Variants in FRMD3 observed in about 807,000 individuals in gnomAD.
The protein encoded by FRMD3 is FERM domain-containing protein 3.
FRMD3 carries 33 observed loss-of-function variants against 70.2 expected under a neutral mutation model. The observed-to-expected ratio is 0.47, with a 90% CI of 0.36 to 0.63. The LOEUF is 0.63. Ranked by LOEUF, FRMD3 falls within the 20% of genes least tolerant of loss-of-function variation. The probability of loss-of-function intolerance (pLI) is 0.00; values close to 1 mark genes in which losing one functional copy is unlikely to be tolerated. For missense variants in FRMD3, 632 were observed against 711.4 expected (o/e 0.89, Z 1.27); for synonymous variants, 279 against 255.9 (o/e 1.09, Z -0.86).
At chr9:83,282,244 G>C (rs747440368) in intron 13 of FRMD3, among the ~76,000 whole-genome samples, 2 of 152,196 alleles carry the variant, frequency 1.3e-5, no homozygotes, top group Non-Finnish European at 1.5e-5. Flanking sequence ...TTCTACGAAG[G>C]CTTAGATTGT....
At chr9:83,376,827 G>C (rs751799918) in intron 2 of FRMD3, among the ~76,000 whole-genome samples, 1 of 152,014 alleles carries the variant, frequency 6.6e-6, no homozygotes, top group Non-Finnish European at 1.5e-5. Flanking sequence ...TGCAAAGCTT[G>C]GTTTCTAGCA....
At chr9:83,297,720 G>A (rs979303574) in intron 12 of FRMD3, 6 of 471,320 alleles carry the variant, frequency 1.3e-5, no homozygotes, top group African/African-American at 1.2e-4. Context: ...GTAGTCTTCT[G>A]CTTCTTACAG....
At chr9:83,416,761 C>T (rs1037835920) in intron 1 of FRMD3, among the ~76,000 whole-genome samples, 1 of 113,776 alleles carries the variant, frequency 8.8e-6, no homozygotes, top group Non-Finnish European at 1.8e-5. Context: ...CTCTCTCTCT[C>T]TCTCTCTCTC....
At chr9:83,376,987 T>A (rs1005530049) in intron 2 of FRMD3, among the ~76,000 whole-genome samples, 3 of 152,128 alleles carry the variant, frequency 2.0e-5, no homozygotes, top group Admixed American at 1.3e-4. Context: ...AAAATACTAT[T>A]TTTTCTGCAA....
At chr9:83,410,608 A>G (rs904792663) in intron 1 of FRMD3, among the ~76,000 whole-genome samples, 14 of 152,228 alleles carry the variant, frequency 9.2e-5, no homozygotes, top group African/African-American at 3.4e-4. Flanking sequence ...TGTGATGAAC[A>G]TACAAGTCTA....
chr9:83,519,969 A>T (rs1482295836), intron 1 of FRMD3, among the ~76,000 whole-genome samples: 1 of 152,118 alleles, frequency 6.6e-6, no homozygotes, highest in Non-Finnish European at 1.5e-5. Context: ...CAGGGAGGGG[A>T]ACATCACACA....
At chr9:83,550,792 T>G in the FRMD3 span, among the ~76,000 whole-genome samples, 1 of 151,800 alleles carries the variant, frequency 6.6e-6, no homozygotes. Flanking sequence ...GTTAGTGGTG[T>G]ATAGGAATGC....
At chr9:83,514,808 T>A (rs1338589270) in intron 1 of FRMD3, among the ~76,000 whole-genome samples, 1 of 152,144 alleles carries the variant, frequency 6.6e-6, no homozygotes, top group Non-Finnish European at 1.5e-5. Flanking sequence ...CCACTGGTGA[T>A]ACCCAGGCAA....
chr9:83,280,606 T>A (rs1476716294), intron 13 of FRMD3, among the ~76,000 whole-genome samples: 4 of 152,154 alleles, frequency 2.6e-5, no homozygotes, highest in Non-Finnish European at 5.9e-5. Context: ...CCCCTTTTCG[T>A]TTTGGTAGAC....
chr9:83,566,658 C>T, the FRMD3 span, among the ~76,000 whole-genome samples: 1 of 152,122 alleles, frequency 6.6e-6, no homozygotes, highest in Admixed American at 6.5e-5. Flanking sequence ...GAGAAATTGG[C>T]CAAAACAAAA....
chr9:83,547,643 CA>C, the FRMD3 span, among the ~76,000 whole-genome samples: 1 of 152,034 alleles, frequency 6.6e-6, no homozygotes, highest in Non-Finnish European at 1.5e-5. Context: ...GGCAGAAAAT[CA>C]ACAAAGAAAC....
intron 3 of FRMD3, among the ~76,000 whole-genome samples, chr9:83,366,407 C>T (rs1264047499): frequency 6.6e-6 from 1 of 152,012 alleles, no homozygotes; most frequent in Non-Finnish European, 1.5e-5. Context: ...CCCATCTCTA[C>T]TAAAAATACA....
rs1832166834 is a variant in FRMD3, at chr9:83,247,531, T to C, written c.*387A>G. ...TTCACTAAGGATTATATTCAACAAC[T>C]TTCTCTTGAGTTGTTACTAAAATTC... is the stretch of plus-strand genomic sequence containing the variant. On this transcript the variant is annotated 3_prime_UTR_variant, in exon 14 of 14. Transcript: ENST00000304195. The C allele has an allele frequency of 1.0e-6, 1 of 992,946 alleles. No individual in the cohort carries two copies. Among genetic ancestry groups the C allele is most frequent in the Non-Finnish European group, 1.2e-6 (1 of 833,600 alleles). The allele number at this position is 992,946 out of a possible 1,614,324, so 61.5% of individuals were successfully genotyped here. A position where few individuals can be genotyped will look rare whatever the true frequency, so the allele number is the denominator to read the frequency against.
At chr9:83,304,273 C>G (rs1193215073) in intron 10 of FRMD3, among the ~76,000 whole-genome samples, 1 of 152,158 alleles carries the variant, frequency 6.6e-6, no homozygotes, top group Non-Finnish European at 1.5e-5. Flanking sequence ...ACCCATAGCA[C>G]TGGTATTAAT....
chr9:83,343,932 G>A (rs559243825), intron 4 of FRMD3, among the ~76,000 whole-genome samples: 13 of 152,368 alleles, frequency 8.5e-5, no homozygotes, highest in African/African-American at 3.1e-4. Flanking sequence ...AAGAAGTGCT[G>A]GAAGCAGGAT....
Position 83,372,898 on chromosome 9 carries a change from C to T in FRMD3, c.295+15G>A. ...ACACATTGTAGCAAAAGTAAAGTCA[C>T]AGATTGACACTTACTTTTCATTTGC... On this transcript the variant is annotated intron_variant, in intron 3 of 13. Transcript: ENST00000304195. 1 of 1,606,352 alleles carries T rather than the reference C, an allele frequency of 6.2e-7. No individual in the cohort carries two copies. Among genetic ancestry groups the T allele is most frequent in the South Asian group, 1.1e-5 (1 of 90,894 alleles).
At chr9:83,448,372 T>C (rs1396917542) in intron 1 of FRMD3, among the ~76,000 whole-genome samples, 1 of 152,140 alleles carries the variant, frequency 6.6e-6, no homozygotes, top group African/African-American at 2.4e-5. Context: ...CATGGCATCA[T>C]ACAGCTATGA....
chr9:83,535,249 T>C (rs964457372), intron 1 of FRMD3, among the ~76,000 whole-genome samples: 1 of 152,218 alleles, frequency 6.6e-6, no homozygotes, highest in Non-Finnish European at 1.5e-5. Context: ...TCACATTGTC[T>C]CAAGCAATAG....
At chr9:83,441,244 T>C (rs901590021) in intron 1 of FRMD3, among the ~76,000 whole-genome samples, 3 of 152,208 alleles carry the variant, frequency 2.0e-5, no homozygotes, top group Non-Finnish European at 4.4e-5. Context: ...GAAGTCTAGA[T>C]AATGTGAATT....
Sources: allele counts gnomAD v4.1 joint callset (sites outside exome capture counted in the v4.1 genomes callset), GRCh38; gene constraint gnomAD v4.1.1; transcripts MANE v1.5; gene names NCBI Gene and HGNC (gene_info 2026-07-23, HGNC 2026-07-21).